PAK3: variants seen among roughly 807,000 people sequenced by gnomAD.
PAK3 encodes serine/threonine-protein kinase PAK 3.
A neutral mutation model predicts 41.0 loss-of-function variants in PAK3; 4 were observed. That is an observed-to-expected ratio of 0.10 (90% CI 0.05 to 0.22). The LOEUF is 0.22. Ranked by LOEUF, PAK3 falls within the 10% of genes least tolerant of loss-of-function variation. PAK3 has a pLI of 1.00. For synonymous variants in PAK3, 146 were observed against 139.6 expected, an observed-to-expected ratio of 1.05 and a Z score of -0.32; for missense variants, 205 against 409.9, an observed-to-expected ratio of 0.50 and a Z score of 4.32.
chrX:110,996,965 C>T (rs1431099929), intron 1 of PAK3, among the ~76,000 whole-genome samples: 2 of 111,779 alleles, frequency 1.8e-5, no homozygotes, highest in African/African-American at 6.5e-5. Flanking sequence ...GAGAGAAACA[C>T]TTTAGACAGA....
intron 3 of PAK3, 134 bp downstream of exon 3, chrX:111,097,818 A>G (rs2093036272): frequency 8.9e-6 from 1 of 111,842 alleles, no homozygotes; most frequent in East Asian, 2.8e-4. Context: ...TAACAGGCAG[A>G]GGCTTGGAGA....
rs56170433 is a variant in PAK3 at position 111,196,539 on chromosome X, C to A, written c.1306C>A (p.Arg436=). The change falls in exon 16 of 18, where the codon CGA becomes AGA. Residue 436 remains arginine (R), a synonymous_variant. Coordinates refer to ENST00000372007, the MANE Select transcript of PAK3 (RefSeq NM_002578.5). ...TTGGATGGCACCTGAGGTGGTGACTCGAAAAGCTTATGGTCCGAAAGTTGA... is the reference window on the plus strand; with the variant it reads ...TTGGATGGCACCTGAGGTGGTGACTAGAAAAGCTTATGGTCCGAAAGTTGA... ...PYWMAPEVVT[R]KAYGPKVDIW... is the part of the protein sequence containing the mutation. 1 of 1,203,138 alleles carries A rather than the reference C, an allele frequency of 8.3e-7. No homozygotes were observed. Among genetic ancestry groups the A allele is most frequent in the East Asian group, 3.0e-5 (1 of 33,780 alleles).
At chrX:111,186,527 A>G (rs1488676163) in intron 11 of PAK3, among the ~76,000 whole-genome samples, 2 of 111,662 alleles carry the variant, frequency 1.8e-5, no homozygotes, top group African/African-American at 3.3e-5. Flanking sequence ...GTGAACTCCT[A>G]TTTACAATTG....
chrX:110,971,628 G>A (rs754191698), intron 1 of PAK3, among the ~76,000 whole-genome samples: 70 of 111,653 alleles, frequency 6.3e-4, no homozygotes, highest in African/African-American at 1.6e-3. Context: ...CCTGTGGGTT[G>A]TCCTTTCATT....
chrX:110,967,078 G>C (rs776787249), intron 1 of PAK3, among the ~76,000 whole-genome samples: 1 of 112,025 alleles, frequency 8.9e-6, no homozygotes, highest in Non-Finnish European at 1.9e-5. Context: ...AGTCAGCTCT[G>C]AGAGTGTCTG....
Position 111,162,903 on chromosome X carries a change from T to G in PAK3, c.469-12T>G. On this transcript the variant is annotated splice_polypyrimidine_tract_variant and intron_variant, in intron 8 of 17. Coordinates refer to ENST00000372007, the MANE Select transcript of PAK3 (RefSeq NM_002578.5). ...TTAATACCTGATCTTTAAACTTTGT[T>G]TTTGTCACAAGAGTACAAAAACAGC... is the stretch of plus-strand genomic sequence containing the variant. The G allele has an allele frequency of 8.3e-7, 1 of 1,203,307 alleles. No individual in the cohort carries two copies. The highest frequency in any genetic ancestry group is 1.1e-6 in the Non-Finnish European group (1 of 887,979).
chrX:111,119,938 T>G (rs1185842029), intron 4 of PAK3, among the ~76,000 whole-genome samples: 1 of 112,222 alleles, frequency 8.9e-6, no homozygotes, highest in African/African-American at 3.2e-5. Flanking sequence ...CTGGAATCAT[T>G]AGCAGAGGAT....
At chrX:111,155,409 G>T (rs1402133638) in intron 8 of PAK3, among the ~76,000 whole-genome samples, 1 of 109,263 alleles carries the variant, frequency 9.2e-6, no homozygotes, top group Non-Finnish European at 1.9e-5. Flanking sequence ...GCTGAGGTGG[G>T]AGGATCACTT....
chrX:111,007,846 A>C (rs895254965), intron 1 of PAK3, among the ~76,000 whole-genome samples: 6 of 112,015 alleles, frequency 5.4e-5, no homozygotes, highest in African/African-American at 1.9e-4. Flanking sequence ...ACTGAGCTTT[A>C]CTGAGCATGC....
intron 1 of PAK3, among the ~76,000 whole-genome samples, chrX:110,983,816 C>A (rs1010088914): frequency 2.7e-5 from 3 of 111,020 alleles, no homozygotes; most frequent in African/African-American, 9.9e-5. Context: ...TTTTTTTCTG[C>A]AAATACATTC....
rs1041401365 is a variant in PAK3, at chrX:111,161,774, G to T, written c.469-1141G>T. Among the ~76,000 whole-genome samples, 18 of 111,332 alleles carry T rather than the reference G, an allele frequency of 1.6e-4. No homozygotes were observed. In the South Asian group the frequency reaches 2.7e-3, roughly 17 times the overall value. On this transcript the variant is annotated intron_variant, in intron 8 of 17. Transcript: ENST00000372007. ...TCAGTTTGTCAAAGATCAGATGGTT[G>T]TAGATATGTGGCATTATTTCTGAGG... is the stretch of plus-strand genomic sequence containing the variant.
intron 1 of PAK3, among the ~76,000 whole-genome samples, chrX:110,989,892 C>T (rs1051699732): frequency 1.8e-5 from 2 of 111,777 alleles, no homozygotes; most frequent in Non-Finnish European, 3.8e-5. Context: ...GACGCATCAC[C>T]ACCCATCTGA....
intron 1 of PAK3, among the ~76,000 whole-genome samples, chrX:110,960,509 G>A (rs1283376459): frequency 9.0e-6 from 1 of 111,485 alleles, no homozygotes; most frequent in East Asian, 2.8e-4. Flanking sequence ...GCTGTGAGGA[G>A]GCAAGTCTAG....
At chrX:110,998,723 A>G (rs2091790952) in intron 1 of PAK3, among the ~76,000 whole-genome samples, 1 of 112,521 alleles carries the variant, frequency 8.9e-6, no homozygotes, top group African/African-American at 3.2e-5. Context: ...TCTTGTGCAT[A>G]TTCAGCACCT....
At chrX:110,971,547 T>A (rs767469377) in intron 1 of PAK3, among the ~76,000 whole-genome samples, 1 of 112,254 alleles carries the variant, frequency 8.9e-6, no homozygotes, top group African/African-American at 3.2e-5. Flanking sequence ...TATTATTGAG[T>A]TACAAGAGTT....
intron 14 of PAK3, 62 bp downstream of exon 14, chrX:111,194,480 A>T (rs1026411630): frequency 1.6e-6 from 1 of 635,245 alleles, no homozygotes; most frequent in Non-Finnish European, 2.7e-6. Flanking sequence ...TTCATTTCTG[A>T]TTATTCAGAA....
rs1004910001 is a variant in PAK3 at position 111,051,623 on chromosome X, A to G, written c.-27-71454A>G. ...ATACAATCTGAACCTCTGATAACTG[A>G]GATTTCCATTTGCTTGCTGATCTCT... On this transcript the variant is annotated intron_variant, in intron 1 of 14. Coordinates refer to the PAK3 transcript ENST00000425146. Among the ~76,000 whole-genome samples, 35 of 111,611 alleles carry G rather than the reference A, an allele frequency of 3.1e-4. 1 individual carries two copies. The highest frequency in any genetic ancestry group is 2.5e-3 in the Admixed American group (26 of 10,476).
At chrX:111,146,558 T>A in intron 6 of PAK3, 1 of 1,128,890 alleles carries the variant, frequency 8.9e-7, no homozygotes, top group Non-Finnish European at 1.2e-6. Flanking sequence ...CCAGGGAAGC[T>A]CCCAGAGGTG....
At chrX:111,142,696 G>A (rs1274514997) in intron 6 of PAK3, among the ~76,000 whole-genome samples, 1 of 111,283 alleles carries the variant, frequency 9.0e-6, no homozygotes, top group East Asian at 2.8e-4. Flanking sequence ...TTTTTAGTAG[G>A]TATATTTTGT....
Sources: gnomAD v4.1 joint callset for allele counts (sites outside exome capture counted in the v4.1 genomes callset) on GRCh38, gnomAD v4.1.1 for gene constraint, MANE v1.5 for transcripts, NCBI Gene and HGNC (gene_info 2026-07-23, HGNC 2026-07-21) for gene names.